The following RFC4 variants were observed in gnomAD, a reference collection of about 807,000 sequenced individuals.
RFC4 encodes the protein replication factor C subunit 4.
Under a neutral mutation model 47.6 loss-of-function variants are expected in RFC4, and 38 were observed. The observed-to-expected ratio is 0.80, with a 90% CI of 0.62 to 1.05. The LOEUF (loss-of-function observed/expected upper bound fraction) is 1.05. Ranked by LOEUF, RFC4 falls within the 50% of genes least tolerant of loss-of-function variation. RFC4 has a pLI of 0.00. For missense variants in RFC4, 489 were observed against 434.0 expected (o/e 1.13, Z -1.13); for synonymous variants, 164 against 150.0 (o/e 1.09, Z -0.68).
At chr3:186,805,358 C>G (rs1340312903) in intron 1 of RFC4, among the ~76,000 whole-genome samples, 1 of 152,108 alleles carries the variant, frequency 6.6e-6, no homozygotes, top group East Asian at 1.9e-4. Context: ...GTAGCTAGGA[C>G]TACAGGTGCG....
intron 4 of RFC4, among the ~76,000 whole-genome samples, chr3:186,795,718 G>C (rs1006262568): frequency 3.3e-5 from 5 of 151,996 alleles, no homozygotes; most frequent in Admixed American, 6.6e-5. Flanking sequence ...GCTTGAACCC[G>C]GGATGTGGAG....
At chr3:186,800,224 T>C (rs1163667615) in intron 3 of RFC4, among the ~76,000 whole-genome samples, 2 of 152,120 alleles carry the variant, frequency 1.3e-5, no homozygotes, top group Non-Finnish European at 2.9e-5. Flanking sequence ...CCCGAAACGC[T>C]AGGATTACAG....
At chr3:186,794,921 TTCAGC>T (rs1478436446) in intron 4 of RFC4, 144 bp from the exon 5 acceptor site, 1 of 831,840 alleles carries the variant, frequency 1.2e-6, no homozygotes, top group Non-Finnish European at 1.8e-6. Context: ...GCATTCTCGC[TTCAGC>T]AGAGTGCTGC....
intron 5 of RFC4, among the ~76,000 whole-genome samples, chr3:186,794,265 G>A (rs1722199240): frequency 6.6e-6 from 1 of 152,162 alleles, no homozygotes; most frequent in Admixed American, 6.5e-5. Flanking sequence ...AGTATTAATG[G>A]TAGAAGGGAT....
intron 3 of RFC4, 67 bp downstream of exon 3, chr3:186,801,050 G>A (rs1344024044): frequency 8.5e-7 from 1 of 1,175,000 alleles, no homozygotes; most frequent in African/African-American, 1.5e-5. Flanking sequence ...AGTTATAAAG[G>A]AAGAAAGAGG....
intron 3 of RFC4, among the ~76,000 whole-genome samples, chr3:186,799,629 C>T (rs2108471714): frequency 6.6e-6 from 1 of 152,166 alleles, no homozygotes; most frequent in East Asian, 1.9e-4. Context: ...GGGAGGATCA[C>T]TTGAGCCTGG....
intron 3 of RFC4, among the ~76,000 whole-genome samples, chr3:186,798,655 C>A (rs1222832363): frequency 6.6e-6 from 1 of 152,132 alleles, no homozygotes; most frequent in African/African-American, 2.4e-5. Context: ...CAGCTTGGCA[C>A]TTTCTGGCCC....
intron 2 of RFC4, among the ~76,000 whole-genome samples, chr3:186,801,740 A>C (rs1722360575): frequency 6.7e-6 from 1 of 149,770 alleles, no homozygotes; most frequent in African/African-American, 2.4e-5. Flanking sequence ...AAGAAATTAA[A>C]GTGGGGCTGG....
chr3:186,805,008 T>C (rs973563980), intron 1 of RFC4: 26 of 262,212 alleles, frequency 9.9e-5, no homozygotes, highest in Middle Eastern at 1.2e-3. Context: ...AAAGATCATA[T>C]GTCACAAAAA....
intron 8 of RFC4, chr3:186,791,515 T>C (rs1419492977): frequency 3.5e-6 from 2 of 567,902 alleles, no homozygotes; most frequent in Non-Finnish European, 3.2e-6. Context: ...TGTCCTTTTC[T>C]TTCCTGAAAT....
chr3:186,796,818 G>T lies in RFC4; in HGVS notation c.290+717C>A, dbSNP rs1436448700. Reference sequence around the variant, plus strand: ...AGGATTTCAGATATTTCTATCAGTTGTATGTCTGATATTAATTCTGGATAA... The same window carrying T: ...AGGATTTCAGATATTTCTATCAGTTTTATGTCTGATATTAATTCTGGATAA... On this transcript the variant is annotated intron_variant, in intron 4 of 10. Transcript: ENST00000296273. The surrounding 1 kb of genome is among the most constrained non-coding windows in gnomAD (Gnocchi z 4.2). 6.6e-6 allele frequency among the ~76,000 whole-genome samples: 1 copy of T among 152,120 alleles called. No homozygotes were observed. Among genetic ancestry groups the T allele is most frequent in the African/African-American group, 2.4e-5 (1 of 41,440 alleles).
At chr3:186,803,670 A>ATTTT (rs766384165) in intron 2 of RFC4, among the ~76,000 whole-genome samples, 1 of 134,408 alleles carries the variant, frequency 7.4e-6, no homozygotes. Flanking sequence ...TGCCTGGCTA[A>ATTTT]TTTTTTTTTT....
chr3:186,790,276 G>C, intron 9 of RFC4, 21 bp from the exon 10 acceptor site: 2 of 1,610,434 alleles, frequency 1.2e-6, no homozygotes, highest in Non-Finnish European at 1.7e-6. Context: ...AAAAACTTTT[G>C]GTATGATGAC....
At chr3:186,802,052 T>C (rs1486021556) in intron 2 of RFC4, among the ~76,000 whole-genome samples, 1 of 137,962 alleles carries the variant, frequency 7.2e-6, no homozygotes. Context: ...AAAATTAAAG[T>C]GAACACCTGC....
chr3:186,792,497 C>CT lies in RFC4; in HGVS notation c.667dup (p.Ser223LysfsTer2), dbSNP rs1560090811. 1 of 1,611,550 alleles carries CT rather than the reference C, an allele frequency of 6.2e-7. No individual in the cohort carries two copies. Among genetic ancestry groups the CT allele is most frequent in the Non-Finnish European group, 8.5e-7 (1 of 1,177,836 alleles). On this transcript the variant is annotated frameshift_variant, in exon 7 of 11. Coordinates refer to ENST00000296273, the MANE Select transcript of RFC4 (RefSeq NM_002916.5). LOFTEE classifies it high-confidence loss of function. ...GTAATAATTAGTAATTACCTCATCA[C>CT]TAATTTTGACATTTTCCTTCTTGGC...
rs1722248915 is a variant in RFC4 at position 186,796,601 on chromosome 3, TGC to T, written c.290+932_290+933del. 6.6e-6 allele frequency among the ~76,000 whole-genome samples: 1 copy of T among 152,032 alleles called. No individual in the cohort carries two copies. Among genetic ancestry groups the T allele is most frequent in the South Asian group, 2.1e-4 (1 of 4,796 alleles). On this transcript the variant is annotated intron_variant, in intron 4 of 10. Coordinates refer to ENST00000296273, the MANE Select transcript of RFC4 (RefSeq NM_002916.5). This position sits in a 1 kb window ranked among gnomAD's most constrained non-coding sequence, Gnocchi z 4.2. ...TTCAAGTGATTCTCCTGCCTCAGCC[TGC>T]CGAGTAGCTGGGACTACAGGTGCAT...
At position 186,792,573 on chromosome 3, in the gene RFC4, G is replaced by A. The variant is rs765207894; in HGVS notation, c.592C>T (p.Arg198Cys). The change falls in exon 7 of 11, where the codon CGC (arginine) becomes TGC (cysteine). Residue 198 changes from arginine to cysteine, a missense_variant. Arg to Cys is a radical substitution (Grantham distance 180). Around this residue, in one of 2 missense-constraint regions of RFC4, gnomAD observed 206 missense variants for 257.8 expected, o/e 0.80. Coordinates refer to ENST00000296273, the MANE Select transcript of RFC4 (RefSeq NM_002916.5). The part of the protein sequence containing the change: ...EPLTSRCSKF[R>C]FKPLSDKIQQ... ...ATTTTATCTGACAGAGGCTTGAAGC[G>A]GAATTTTGAACATCTAGAGGTCAGG... 32 of 1,613,756 alleles carry A rather than the reference G, an allele frequency of 2.0e-5. No individual in the cohort carries two copies. The highest frequency in any genetic ancestry group is 3.3e-5 in the South Asian group (3 of 91,072).
At chr3:186,792,687 A>T in intron 6 of RFC4, 77 bp from the exon 7 acceptor site, 1 of 1,566,084 alleles carries the variant, frequency 6.4e-7, no homozygotes, top group Non-Finnish European at 8.7e-7. Flanking sequence ...ATCAAGAACA[A>T]ATCAAGATTT....
chr3:186,790,644 G>C (rs1432215303), intron 8 of RFC4, among the ~76,000 whole-genome samples: 1 of 152,190 alleles, frequency 6.6e-6, no homozygotes, highest in Admixed American at 6.5e-5. Flanking sequence ...CCAAGTTTGG[G>C]CACACATGGA....
Sources: allele counts gnomAD v4.1 joint callset (sites outside exome capture counted in the v4.1 genomes callset), GRCh38; gene constraint gnomAD v4.1.1; regional missense constraint gnomAD v4.1.1; non-coding constraint Gnocchi (gnomAD v3.1); transcripts MANE v1.5; gene names NCBI Gene and HGNC (gene_info 2026-07-23, HGNC 2026-07-21).